Variants in EPS15 observed in about 807,000 individuals in gnomAD.
EPS15 encodes the protein epidermal growth factor receptor substrate 15.
Under a neutral mutation model 113.8 loss-of-function variants are expected in EPS15, and 72 were observed. The ratio of observed to expected loss-of-function variants is 0.63; its 90% CI spans 0.52 to 0.77. The LOEUF (loss-of-function observed/expected upper bound fraction) is 0.77. Among genes scored for constraint, EPS15 ranks in the 30% least tolerant of loss-of-function variants. The pLI, the probability that EPS15 is intolerant of heterozygous loss-of-function variation, is 0.00. For synonymous variants in EPS15, 344 were observed against 363.4 expected (o/e 0.95, Z 0.61); for missense variants, 1,048 against 1,045.8 (o/e 1.00, Z -0.03).
At chr1:51,505,020 G>T (rs950122686) in intron 1 of EPS15, among the ~76,000 whole-genome samples, 1 of 151,882 alleles carries the variant, frequency 6.6e-6, no homozygotes, top group Non-Finnish European at 1.5e-5. Context: ...ACTCGGGAGG[G>T]TGAGGCAGGA....
chr1:51,392,009 G>C (rs1225605847), intron 21 of EPS15, among the ~76,000 whole-genome samples: 1 of 152,186 alleles, frequency 6.6e-6, no homozygotes, highest in Non-Finnish European at 1.5e-5. Flanking sequence ...TGTATCAGTA[G>C]TATTTGAAGC....
chr1:51,386,468 G>T (rs1167031199), intron 21 of EPS15, among the ~76,000 whole-genome samples: 1 of 152,192 alleles, frequency 6.6e-6, no homozygotes, highest in Non-Finnish European at 1.5e-5. Context: ...TGCGGTTCAA[G>T]AAAATCCGCT....
At chr1:51,442,571 T>C (rs1652675857) in intron 11 of EPS15, among the ~76,000 whole-genome samples, 1 of 152,074 alleles carries the variant, frequency 6.6e-6, no homozygotes, top group Non-Finnish European at 1.5e-5. Context: ...TGTCCCCTTC[T>C]TTCAAAATGT....
intron 6 of EPS15, among the ~76,000 whole-genome samples, chr1:51,464,333 G>A (rs555710365): frequency 4.0e-5 from 6 of 150,564 alleles, no homozygotes; most frequent in East Asian, 2.0e-4. Context: ...TCCACCTCCC[G>A]GGTTCAAGCG....
In EPS15 at chr1:51,508,290, AAGAG is replaced by A. The variant is rs375226658; in HGVS notation, c.33+10905_33+10908del. Among the ~76,000 whole-genome samples the A allele has an allele frequency of 4.5e-3, 601 of 134,122 alleles. 7 individuals carry two copies. The highest frequency in any genetic ancestry group is 0.025 in the East Asian group (123 of 4,896). The allele number at this position is 134,122 out of a possible 152,430, so 88.0% of individuals were successfully genotyped here. On this transcript the variant is annotated intron_variant, in intron 1 of 24. Transcript: ENST00000371733. ...AGAGAGAGAAAGAGAGAAAGAGAGA[AAGAG>A]AGAGAGAGAAAGAGAGAAAGAGAGA...
At chr1:51,460,994 G>C in intron 8 of EPS15, 97 bp downstream of exon 8, 1 of 800,716 alleles carries the variant, frequency 1.2e-6, no homozygotes. Context: ...AATCTGATGA[G>C]AATATAGTTT....
chr1:51,410,061 C>CAA (rs1352864932), intron 13 of EPS15, among the ~76,000 whole-genome samples: 6 of 109,120 alleles, frequency 5.5e-5, no homozygotes, highest in Admixed American at 9.5e-5. Context: ...AACAAAAATG[C>CAA]AAAAAAAAAA....
intron 1 of EPS15, among the ~76,000 whole-genome samples, chr1:51,503,480 A>G (rs1644447713): frequency 6.6e-6 from 1 of 152,134 alleles, no homozygotes; most frequent in African/African-American, 2.4e-5. Context: ...CATCTCTACT[A>G]AAAATACAAA....
chr1:51,481,243 TC>T, intron 2 of EPS15, 29 bp downstream of exon 2: 1 of 1,170,484 alleles, frequency 8.5e-7, no homozygotes, highest in Non-Finnish European at 1.3e-6. Context: ...TAATGTTCAA[TC>T]CAGGCAAACA....
intron 21 of EPS15, among the ~76,000 whole-genome samples, chr1:51,388,737 C>T (rs368360175): frequency 1.3e-5 from 2 of 152,000 alleles, no homozygotes; most frequent in South Asian, 2.1e-4. Context: ...ATAAATTCCT[C>T]GACACATACA....
At chr1:51,384,910 T>C (rs528451652) in intron 21 of EPS15, among the ~76,000 whole-genome samples, 8 of 152,266 alleles carry the variant, frequency 5.3e-5, no homozygotes, top group Admixed American at 4.6e-4. Context: ...ATGAATGAAG[T>C]TGGACTCTTA....
At chr1:51,495,982 T>C (rs955834979) in intron 1 of EPS15, among the ~76,000 whole-genome samples, 3 of 152,234 alleles carry the variant, frequency 2.0e-5, no homozygotes, top group Non-Finnish European at 4.4e-5. Flanking sequence ...CTTTTTAAAA[T>C]GGCAAGTTAA....
intron 1 of EPS15, among the ~76,000 whole-genome samples, chr1:51,516,822 G>A (rs531645007): frequency 2.0e-5 from 3 of 152,268 alleles, no homozygotes; most frequent in Admixed American, 6.5e-5. Context: ...GAACCCTTTA[G>A]AGCTTTCAGT....
At chr1:51,459,453 G>A (rs898688264) in intron 8 of EPS15, among the ~76,000 whole-genome samples, 3 of 151,974 alleles carry the variant, frequency 2.0e-5, no homozygotes, top group African/African-American at 4.8e-5. Flanking sequence ...CCAAGATTGC[G>A]CCACTGCACT....
At chr1:51,498,565 A>G (rs1355677455) in intron 1 of EPS15, among the ~76,000 whole-genome samples, 1 of 152,202 alleles carries the variant, frequency 6.6e-6, no homozygotes, top group African/African-American at 2.4e-5. Flanking sequence ...GGTAGGCTAG[A>G]CTAAGCTATG....
At chr1:51,502,984 G>C (rs1644438478) in intron 1 of EPS15, among the ~76,000 whole-genome samples, 2 of 147,924 alleles carry the variant, frequency 1.4e-5, no homozygotes, top group Non-Finnish European at 3.0e-5. Context: ...TCCAGTCTGG[G>C]CGACAGAGTG....
intron 1 of EPS15, among the ~76,000 whole-genome samples, chr1:51,501,582 G>A (rs1054419833): frequency 2.6e-5 from 4 of 151,398 alleles, no homozygotes; most frequent in Non-Finnish European, 4.4e-5. Context: ...GGGTTCAAGC[G>A]ATTCTCCTGC....
At chr1:51,363,200 A>G (rs1306078802) in intron 23 of EPS15, among the ~76,000 whole-genome samples, 1 of 151,072 alleles carries the variant, frequency 6.6e-6, no homozygotes, top group Admixed American at 6.6e-5. Context: ...CGGGAGGCTG[A>G]GGCAGGAGAA....
intron 1 of EPS15, among the ~76,000 whole-genome samples, chr1:51,508,760 T>C (rs1022324848): frequency 6.6e-6 from 1 of 152,096 alleles, no homozygotes; most frequent in Non-Finnish European, 1.5e-5. Context: ...TGGTCAAAGT[T>C]AAAAATTCTT....
Sources: allele counts gnomAD v4.1 joint callset (sites outside exome capture counted in the v4.1 genomes callset), GRCh38; gene constraint gnomAD v4.1.1; transcripts MANE v1.5; gene names NCBI Gene and HGNC (gene_info 2026-07-23, HGNC 2026-07-21).